RBPJ: variants seen among roughly 807,000 people sequenced by gnomAD.
The protein encoded by RBPJ is recombining binding protein suppressor of hairless.
A neutral mutation model predicts 67.8 loss-of-function variants in RBPJ; 9 were observed. The ratio of observed to expected loss-of-function variants is 0.13; its 90% CI spans 0.08 to 0.23. RBPJ has a LOEUF of 0.23. RBPJ is among the 10% of genes least tolerant of loss of function. The probability of loss-of-function intolerance (pLI) is 1.00; values close to 1 mark genes in which losing one functional copy is unlikely to be tolerated. For synonymous variants in RBPJ, 198 were observed against 203.3 expected, an observed-to-expected ratio of 0.97 and a Z score of 0.22; for missense variants, 305 against 595.6, an observed-to-expected ratio of 0.51 and a Z score of 5.08.
chr4:26,166,939 A>C (rs1351673713), intron 1 of RBPJ, among the ~76,000 whole-genome samples: 1 of 152,222 alleles, frequency 6.6e-6, no homozygotes, highest in Non-Finnish European at 1.5e-5. Flanking sequence ...ACATATGGGT[A>C]GCCAGTTTTC....
In RBPJ at chr4:26,280,082, C is replaced by T. The variant is rs1004869724; in HGVS notation, c.-166-82364C>T. Reference sequence around the variant, plus strand: ...GATTACAGGCATGAGCCACCGTGCCCGACCAAAATTGTCTTTTAAGAGAGA... The same window carrying T: ...GATTACAGGCATGAGCCACCGTGCCTGACCAAAATTGTCTTTTAAGAGAGA... On this transcript the variant is annotated intron_variant, in intron 1 of 4. Coordinates refer to the RBPJ transcript ENST00000512351. Among the ~76,000 whole-genome samples, 5 of 150,850 alleles carry T rather than the reference C, an allele frequency of 3.3e-5. No homozygotes were observed. The East Asian group carries it at 6.1e-4, about 18-fold the overall frequency.
intron 1 of RBPJ, among the ~76,000 whole-genome samples, chr4:26,369,775 A>T (rs149347584): frequency 5.6e-4 from 85 of 151,230 alleles, no homozygotes; most frequent in Middle Eastern, 3.4e-3. Context: ...TGGCTGTGAC[A>T]CTCCCTCAAA....
Position 26,424,327 on chromosome 4 carries a change from G to T in RBPJ, c.497-15G>T. On this transcript the variant is annotated splice_polypyrimidine_tract_variant and intron_variant, in intron 5 of 10. Coordinates refer to ENST00000355476, the MANE Select transcript of RBPJ (RefSeq NM_015874.6). This position sits in a 1 kb window ranked among gnomAD's most constrained non-coding sequence, Gnocchi z 5.3. ...TGCTCCAATCACATAAATAAGAGCT[G>T]TTTTTTCTTTGCAGTATGCATTGCC... 2 of 1,612,200 alleles carry T rather than the reference G, an allele frequency of 1.2e-6. No homozygotes were observed. The highest frequency in any genetic ancestry group is 1.7e-6 in the Non-Finnish European group (2 of 1,179,378).
At chr4:26,134,930 C>T in the RBPJ span, among the ~76,000 whole-genome samples, 1 of 152,124 alleles carries the variant, frequency 6.6e-6, no homozygotes, top group Admixed American at 6.5e-5. Flanking sequence ...AGGAAACTCG[C>T]CCTGAGACAC....
intron 1 of RBPJ, among the ~76,000 whole-genome samples, chr4:26,307,802 G>A (rs1722285262): frequency 6.6e-6 from 1 of 152,162 alleles, no homozygotes; most frequent in Admixed American, 6.5e-5. Flanking sequence ...TTAAGATCTT[G>A]AGAAATGTTT....
chr4:26,273,440 C>T (rs1055120869), intron 1 of RBPJ, among the ~76,000 whole-genome samples: 1 of 152,250 alleles, frequency 6.6e-6, no homozygotes, highest in Non-Finnish European at 1.5e-5. Context: ...GGCGAGATGC[C>T]TCCGAGGGAG....
At chr4:26,407,198 C>G (rs542136095) in intron 3 of RBPJ, among the ~76,000 whole-genome samples, 1 of 152,070 alleles carries the variant, frequency 6.6e-6, no homozygotes, top group Non-Finnish European at 1.5e-5. Context: ...CCAAAAGTAC[C>G]GTTTTGCAAA....
intron 1 of RBPJ, among the ~76,000 whole-genome samples, chr4:26,242,793 C>A (rs1461934493): frequency 6.7e-6 from 1 of 150,262 alleles, no homozygotes; most frequent in African/African-American, 2.4e-5. Context: ...TTTTCTTAAA[C>A]CTCCATACTT....
chr4:26,239,531 A>T (rs1484768354), intron 1 of RBPJ, among the ~76,000 whole-genome samples: 1 of 152,206 alleles, frequency 6.6e-6, no homozygotes, highest in Non-Finnish European at 1.5e-5. Context: ...TTAACACTTT[A>T]AGCACAATGT....
the RBPJ span, among the ~76,000 whole-genome samples, chr4:26,151,017 A>C: frequency 6.6e-6 from 1 of 152,208 alleles, no homozygotes; most frequent in African/African-American, 2.4e-5. Flanking sequence ...AACAACGCCA[A>C]AGATTTCCTG....
At chr4:26,263,423 C>T (rs575470334) in intron 1 of RBPJ, among the ~76,000 whole-genome samples, 5 of 150,990 alleles carry the variant, frequency 3.3e-5, no homozygotes, top group African/African-American at 1.2e-4. Context: ...CAGCTATCTA[C>T]CTGGGCAAAG....
chr4:26,382,354 A>G (rs1321922611), intron 1 of RBPJ, among the ~76,000 whole-genome samples: 1 of 152,242 alleles, frequency 6.6e-6, no homozygotes, highest in Non-Finnish European at 1.5e-5. Flanking sequence ...TTGGTTGCAT[A>G]AAATAAATAC....
intron 1 of RBPJ, among the ~76,000 whole-genome samples, chr4:26,335,132 C>A (rs1262214396): frequency 6.6e-6 from 1 of 152,134 alleles, no homozygotes; most frequent in Admixed American, 6.6e-5. Context: ...ACGTTAACTT[C>A]AGTAACTTCC....
chr4:26,372,099 T>C (rs1729213040), intron 1 of RBPJ, among the ~76,000 whole-genome samples: 1 of 152,250 alleles, frequency 6.6e-6, no homozygotes, highest in African/African-American at 2.4e-5. Flanking sequence ...ATTTTGTCTA[T>C]TGCTGTCTCG....
At chr4:26,143,351 C>T in the RBPJ span, among the ~76,000 whole-genome samples, 11 of 152,298 alleles carry the variant, frequency 7.2e-5, no homozygotes, top group South Asian at 2.1e-4. Context: ...AGTTGTATCA[C>T]GTCACTCCTG....
chr4:26,182,345 A>AAAAC (rs568955718), intron 1 of RBPJ, among the ~76,000 whole-genome samples: 7 of 152,232 alleles, frequency 4.6e-5, no homozygotes, highest in South Asian at 2.1e-4. Flanking sequence ...CCGTCTCAAA[A>AAAAC]AAACAAACAA....
chr4:26,134,550 T>A, the RBPJ span, among the ~76,000 whole-genome samples: 1 of 152,146 alleles, frequency 6.6e-6, no homozygotes, highest in African/African-American at 2.4e-5. Context: ...CTTTGGCCAA[T>A]GGTTTTCCTG....
chr4:26,253,389 G>C (rs1189413700), intron 1 of RBPJ, among the ~76,000 whole-genome samples: 1 of 135,622 alleles, frequency 7.4e-6, no homozygotes, highest in African/African-American at 3.0e-5. Flanking sequence ...TCGGCTCACT[G>C]CAAGCTCCGC....
At chr4:26,320,996 G>C, upstream of RBPJ, 2 of 1,613,782 alleles carry the variant, frequency 1.2e-6, no homozygotes, top group African/African-American at 1.3e-5. Flanking sequence ...GGAATCTCGC[G>C]AGGGTTGGAG....
Sources: gnomAD v4.1 joint callset for allele counts (sites outside exome capture counted in the v4.1 genomes callset) on GRCh38, gnomAD v4.1.1 for gene constraint, Gnocchi (gnomAD v3.1) non-coding constraint, MANE v1.5 for transcripts, NCBI Gene and HGNC (gene_info 2026-07-23, HGNC 2026-07-21) for gene names.